The following CEP131 variants were observed in gnomAD, a reference collection of about 807,000 sequenced individuals.
The protein encoded by CEP131 is centrosomal protein 131, also known as centrosomal protein of 131 kDa.
A neutral mutation model predicts 136.8 loss-of-function variants in CEP131; 99 were observed. The ratio of observed to expected loss-of-function variants is 0.72; its 90% CI spans 0.62 to 0.86. The LOEUF (loss-of-function observed/expected upper bound fraction) is 0.86. Among genes scored for constraint, CEP131 ranks in the 40% least tolerant of loss-of-function variants. The pLI, the probability that CEP131 is intolerant of heterozygous loss-of-function variation, is 0.00. For synonymous variants in CEP131, 646 were observed against 612.7 expected (o/e 1.05, Z -0.80); for missense variants, 1,459 against 1,463.0 (o/e 1.00, Z 0.04).
chr17:81,214,608 T>C (rs1487169228), intron 2 of CEP131, among the ~76,000 whole-genome samples: 1 of 151,684 alleles, frequency 6.6e-6, no homozygotes, highest in Non-Finnish European at 1.5e-5. Context: ...AACTAAAAGG[T>C]AGTACAGTCA....
chr17:81,207,924 C>CCAT (rs2062044266), intron 3 of CEP131, among the ~76,000 whole-genome samples: 1 of 110 alleles, frequency 9.1e-3, no homozygotes, highest in Non-Finnish European at 0.023. Flanking sequence ...ACATAACACA[C>CCAT]ACACCACACA....
Position 81,219,823 on chromosome 17 carries a change from A to G in CEP131, c.177+57T>C, listed in dbSNP as rs957416425. ...AGCTGGACCCAGGGGTCAGATGCCA[A>G]CTGAACAACAGCCCTCCAGGAGGCA... On this transcript the variant is annotated intron_variant, in intron 2 of 25. Transcript: ENST00000450824. This position sits in a 1 kb window ranked among gnomAD's most constrained non-coding sequence, Gnocchi z 4.0. 5 of 1,473,598 alleles carry G rather than the reference A, an allele frequency of 3.4e-6. No homozygotes were observed. The African/African-American group carries it at 5.7e-5, about 17-fold the overall frequency. 91.3% of individuals were successfully genotyped at this position (1,473,598 alleles called of 1,614,324 possible).
Position 81,202,293 on chromosome 17 carries a change from C to T in CEP131, c.735G>A (p.Gly245=). Residue 245 remains glycine, a synonymous_variant, in exon 7 of 26, where the codon GGG becomes GGA. Coordinates refer to ENST00000450824, the MANE Select transcript of CEP131 (RefSeq NM_014984.4). The part of the protein sequence containing the change: ...SATHSARNNT[G]GSTGLPRRKE... ...TCCGCCTGGGCAAGCCCGTGCTGCC[C>T]CCAGTATTGTTCCGGGCTGAGTGGG... 2 of 1,613,428 alleles carry T rather than the reference C, an allele frequency of 1.2e-6. No homozygotes were observed. Among genetic ancestry groups the T allele is most frequent in the South Asian group, 2.2e-5 (2 of 91,056 alleles).
At position 81,200,318 on chromosome 17, in the gene CEP131, C is replaced by T; in HGVS notation, c.906+11G>A. ...GGGGGAGCATGGAGTGACTGAGACGCCCACACTGACCTCCCGCTTGGCCTG... is the reference window on the plus strand; with the variant it reads ...GGGGGAGCATGGAGTGACTGAGACGTCCACACTGACCTCCCGCTTGGCCTG... On this transcript the variant is annotated intron_variant, in intron 8 of 25. Transcript: ENST00000450824. 2 of 1,598,280 alleles carry T rather than the reference C, an allele frequency of 1.3e-6. No individual in the cohort carries two copies. Among genetic ancestry groups the T allele is most frequent in the Non-Finnish European group, 1.7e-6 (2 of 1,171,948 alleles).
chr17:81,197,226 A>G (rs1047399216), intron 13 of CEP131, among the ~76,000 whole-genome samples, 171 bp from the exon 14 acceptor site: 1 of 152,170 alleles, frequency 6.6e-6, no homozygotes, highest in African/African-American at 2.4e-5. Flanking sequence ...GGTCGTTTTC[A>G]TTGCTCAGTA....
intron 19 of CEP131, 51 bp downstream of exon 19, chr17:81,192,685 G>GGGGGGGCCCCCCC: frequency 2.1e-6 from 1 of 478,432 alleles, no homozygotes; most frequent in Non-Finnish European, 4.1e-6. Context: ...GGGGGGAGGG[G>GGGGGGGCCCCCCC]TCAGCCAGCG....
In CEP131 at chr17:81,219,902, C is replaced by T. The variant is rs76860463; in HGVS notation, c.155G>A (p.Ser52Asn). 5.8e-3 allele frequency: 9,257 copies of T among 1,609,212 alleles called. 253 individuals carry two copies. The East Asian group carries it at 0.081, about 14-fold the overall frequency. Residue 52 changes from serine (S) to asparagine (N), a missense_variant, in exon 2 of 26, where the codon AGC becomes AAC. By Grantham distance (46) the Ser-to-Asn change is conservative (BLOSUM62 1). Around this residue, in one of 3 missense-constraint regions of CEP131, gnomAD observed 187 missense variants for 179.9 expected, o/e 1.04. Coordinates refer to ENST00000450824, the MANE Select transcript of CEP131 (RefSeq NM_014984.4). This position sits in a 1 kb window ranked among gnomAD's most constrained non-coding sequence, Gnocchi z 4.0. Reference protein sequence around the residue: ...IVRSVSVVTGSEQKRKVLEAT... With the variant: ...IVRSVSVVTGNEQKRKVLEAT... ...CACCAGCACCTTCCTCTTCTGCTCG[C>T]TGCCTGTGACCACGGAGACAGAGCG...
chr17:81,191,055 G>T lies in CEP131; in HGVS notation c.2795C>A (p.Ala932Asp). ...CGACTGCTCCAGCTCGGAGAGCTCG[G>T]CCTCGTACTTGTCCCGTAAGCGCTT... is the stretch of plus-strand genomic sequence containing the variant. ...RIKRLRDKYE[A>D]ELSELEQSER... The change falls in exon 23 of 26, where the codon GCC (alanine) becomes GAC (aspartate). Residue 932 changes from alanine to aspartate, a missense_variant. Transcript: ENST00000450824. 2 of 1,608,282 alleles carry T rather than the reference G, an allele frequency of 1.2e-6. No homozygotes were observed. Among genetic ancestry groups the T allele is most frequent in the Admixed American group, 1.7e-5 (1 of 59,682 alleles).
In CEP131 at chr17:81,192,507, T is replaced by C. The variant is rs2061663542; in HGVS notation, c.2516A>G (p.Lys839Arg). The change falls in exon 20 of 26, where the codon AAG (lysine) becomes AGG (arginine). Residue 839 changes from lysine to arginine, a missense_variant. Physicochemically the swap from Lys to Arg is conservative, Grantham distance 26. Transcript: ENST00000450824. The stretch of plus-strand genomic sequence containing the variant: ...CCGGCGCTCCTGCTCCTCCCTGCCC[T>C]TCTCAAACTCAGCCCTCAGGGCTCG... Reference protein sequence around the residue: ...LTRALRAEFEKGREEQERRHQ... With the variant: ...LTRALRAEFERGREEQERRHQ... 1 of 1,611,622 alleles carries C rather than the reference T, an allele frequency of 6.2e-7. No individual in the cohort carries two copies. Among genetic ancestry groups the C allele is most frequent in the East Asian group, 2.2e-5 (1 of 44,834 alleles).
rs538860417 is a variant in CEP131 at position 81,194,028 on chromosome 17, C to T, written c.2219G>A (p.Arg740Gln). ...HEAELLQSDERASQRCLRQAE... is the reference protein window; with the variant it reads ...HEAELLQSDEQASQRCLRQAE... ...CTGGCGCAGGCAGCGCTGCGAGGCC[C>T]GCTCATCCGACTGCAGCAGCTCCGC... The change falls in exon 18 of 26, where the codon CGG (arginine) becomes CAG (glutamine). Residue 740 changes from arginine to glutamine, a missense_variant. By Grantham distance (43) the Arg-to-Gln change is conservative. This residue lies in a region of CEP131 where 1,026 missense variants were observed against 964.2 expected (regional missense o/e 1.06). Coordinates refer to ENST00000450824, the MANE Select transcript of CEP131 (RefSeq NM_014984.4). The T allele has an allele frequency of 2.7e-5, 42 of 1,577,034 alleles. No homozygotes were observed. In the African/African-American group the frequency reaches 3.3e-4, roughly 12 times the overall value.
At chr17:81,221,912 C>T (rs367577822) in intron 1 of CEP131, among the ~76,000 whole-genome samples, 13 of 152,176 alleles carry the variant, frequency 8.5e-5, no homozygotes, top group East Asian at 3.8e-4. Flanking sequence ...TCCTTCAGCC[C>T]GGCACCCCAC....
At chr17:81,221,247 G>T (rs2062382885) in intron 1 of CEP131, among the ~76,000 whole-genome samples, 1 of 152,036 alleles carries the variant, frequency 6.6e-6, no homozygotes, top group Non-Finnish European at 1.5e-5. Context: ...TCCAGCAGGG[G>T]ACGGGGGTTC....
chr17:81,196,956 C>A lies in CEP131; in HGVS notation c.1747G>T (p.Ala583Ser), dbSNP rs1490217862. The change falls in exon 14 of 26, where the codon GCC becomes TCC. Residue 583 changes from alanine (A) to serine (S), a missense_variant. By Grantham distance (99) the Ala-to-Ser change is moderately conservative. Around this residue, in one of 3 missense-constraint regions of CEP131, gnomAD observed 1,026 missense variants for 964.2 expected, o/e 1.06. Coordinates refer to ENST00000450824, the MANE Select transcript of CEP131 (RefSeq NM_014984.4). ...LKLEVEEKKQAMLLLQRALAQ... is the reference protein window; with the variant it reads ...LKLEVEEKKQSMLLLQRALAQ... ...AGCGCTCTCTGCAGCAGCAGCATGG[C>A]CTGCTTCTTCTCCTCCACCTCCAGC... The A allele has an allele frequency of 6.2e-7, 1 of 1,608,842 alleles. No homozygotes were observed. Among genetic ancestry groups the A allele is most frequent in the Non-Finnish European group, 8.5e-7 (1 of 1,178,188 alleles).
chr17:81,206,623 C>T (rs1598302131), intron 5 of CEP131, 121 bp downstream of exon 5: 2 of 1,348,776 alleles, frequency 1.5e-6, no homozygotes, highest in Admixed American at 2.4e-5. Context: ...CTTTCACTCA[C>T]TCACTCATTC....
In CEP131 at chr17:81,192,755, G is replaced by C; in HGVS notation, c.2410C>G (p.Leu804Val). ...YSEVAEERERLGQQAARQRAE... is the reference protein window; with the variant it reads ...YSEVAEERERVGQQAARQRAE... ...CGGCACCTGGCTGCCTGCTGGCCCAGCCGCTCCCTCTCCTCAGCCACCTCA... is the reference window on the plus strand; with the variant it reads ...CGGCACCTGGCTGCCTGCTGGCCCACCCGCTCCCTCTCCTCAGCCACCTCA... The change falls in exon 19 of 26, where the codon CTG becomes GTG. Residue 804 changes from leucine (L) to valine (V), a missense_variant. Around this residue, in one of 3 missense-constraint regions of CEP131, gnomAD observed 1,026 missense variants for 964.2 expected, o/e 1.06. Coordinates refer to ENST00000450824, the MANE Select transcript of CEP131 (RefSeq NM_014984.4). 1 of 1,588,438 alleles carries C rather than the reference G, an allele frequency of 6.3e-7. No individual in the cohort carries two copies. Among genetic ancestry groups the C allele is most frequent in the Non-Finnish European group, 8.5e-7 (1 of 1,171,074 alleles).
intron 5 of CEP131, among the ~76,000 whole-genome samples, chr17:81,204,757 C>T (rs532896545): frequency 1.3e-5 from 2 of 151,850 alleles, no homozygotes; most frequent in South Asian, 2.1e-4. Context: ...TGCACCGGAC[C>T]ACACCTGCAC....
chr17:81,199,561 G>A lies in CEP131; in HGVS notation c.1024-12C>T. 1 of 1,600,218 alleles carries A rather than the reference G, an allele frequency of 6.2e-7. No individual in the cohort carries two copies. The highest frequency in any genetic ancestry group is 8.5e-7 in the Non-Finnish European group (1 of 1,174,086). ...TTCTGTTGCAGCTCCTGCAGTGGGA[G>A]CATCGCTGAGCACTGTCCCTGGGAG... On this transcript the variant is annotated splice_polypyrimidine_tract_variant and intron_variant, in intron 9 of 25. Coordinates refer to ENST00000450824, the MANE Select transcript of CEP131 (RefSeq NM_014984.4).
chr17:81,199,958 G>A lies in CEP131; in HGVS notation c.907-123C>T, dbSNP rs74006012. On this transcript the variant is annotated intron_variant, in intron 8 of 25. Coordinates refer to ENST00000450824, the MANE Select transcript of CEP131 (RefSeq NM_014984.4). The stretch of plus-strand genomic sequence containing the variant: ...GTTCGTGGAATCTCAGGGCCAGCAG[G>A]GAAAGTGAAACCCCACCAGGACCTT... The A allele has an allele frequency of 8.7e-3, 8,477 of 976,712 alleles. 480 individuals carry two copies. In the African/African-American group the frequency reaches 0.12, roughly 14 times the overall value. 60.5% of individuals were successfully genotyped at this position (976,712 alleles called of 1,614,324 possible).
Position 81,206,801 on chromosome 17 carries a change from CCCG to C in CEP131, c.455_457del (p.Ala152del). ...CACGGTGCATTCTTTCCTCCGCGGG[CCCG>C]CTGGTGAGTCAAGGGCACTGGAACT... On this transcript the variant is annotated inframe_deletion, in exon 5 of 26. Coordinates refer to ENST00000450824, the MANE Select transcript of CEP131 (RefSeq NM_014984.4). 1 of 1,614,120 alleles carries C rather than the reference CCCG, an allele frequency of 6.2e-7. No homozygotes were observed. Among genetic ancestry groups the C allele is most frequent in the Non-Finnish European group, 8.5e-7 (1 of 1,180,020 alleles).
Sources: allele counts gnomAD v4.1 joint callset (sites outside exome capture counted in the v4.1 genomes callset), GRCh38; gene constraint gnomAD v4.1.1; regional missense constraint gnomAD v4.1.1; non-coding constraint Gnocchi (gnomAD v3.1); transcripts MANE v1.5; gene names NCBI Gene and HGNC (gene_info 2026-07-23, HGNC 2026-07-21).